The following PLPP4 variants were observed in gnomAD, a reference collection of about 807,000 sequenced individuals.
PLPP4 encodes the protein phospholipid phosphatase 4.
PLPP4 carries 20 observed loss-of-function variants against 32.2 expected under a neutral mutation model. The ratio of observed to expected loss-of-function variants is 0.62; its 90% confidence interval spans 0.44 to 0.90. The LOEUF (loss-of-function observed/expected upper bound fraction) is 0.90. Ranked by LOEUF, PLPP4 falls within the 40% of genes least tolerant of loss-of-function variation. The pLI is 0.00. For missense variants in PLPP4, 257 were observed against 353.1 expected (o/e 0.73, Z 2.18); for synonymous variants, 127 against 133.0 (o/e 0.95, Z 0.31).
chr10:120,581,021 TAG>T, intron 6 of PLPP4: 1 of 1,289,290 alleles, frequency 7.8e-7, no homozygotes, highest in South Asian at 1.2e-5. Flanking sequence ...TGTTGGTGCC[TAG>T]GAGAGCGTAA....
At chr10:120,500,694 T>C (rs1453006000) in intron 1 of PLPP4, among the ~76,000 whole-genome samples, 1 of 112,006 alleles carries the variant, frequency 8.9e-6, no homozygotes, top group African/African-American at 3.3e-5. Flanking sequence ...GGGGGTGGGG[T>C]GGGGTTCCAG....
chr10:120,580,466 C>T (rs1208752913), intron 6 of PLPP4, among the ~76,000 whole-genome samples: 1 of 152,076 alleles, frequency 6.6e-6, no homozygotes, highest in Non-Finnish European at 1.5e-5. Context: ...TTGGTTTTAA[C>T]CAGTTTCAGG....
Position 120,590,561 on chromosome 10 carries a change from G to A in PLPP4, c.*1059G>A, listed in dbSNP as rs776259483. Among the ~76,000 whole-genome samples, 7 of 152,106 alleles carry A rather than the reference G, an allele frequency of 4.6e-5. No individual in the cohort carries two copies. Among genetic ancestry groups the A allele is most frequent in the Non-Finnish European group, 8.8e-5 (6 of 68,026 alleles). On this transcript the variant is annotated 3_prime_UTR_variant, in exon 7 of 7. Coordinates refer to ENST00000398250, the MANE Select transcript of PLPP4 (RefSeq NM_001030059.3). The stretch of plus-strand genomic sequence containing the variant: ...GAATCAGGAATGTGCTGTGTCTCTC[G>A]CTCAGCTCTTTGCATTGTTGAATAC...
intron 5 of PLPP4, among the ~76,000 whole-genome samples, chr10:120,539,840 T>C (rs1847250451): frequency 6.6e-6 from 1 of 152,132 alleles, no homozygotes; most frequent in Non-Finnish European, 1.5e-5. Context: ...GCTTTCCTTA[T>C]ATACATTTAT....
intron 2 of PLPP4, among the ~76,000 whole-genome samples, chr10:120,505,749 C>T (rs1429267341): frequency 1.3e-5 from 2 of 152,172 alleles, no homozygotes; most frequent in South Asian, 2.1e-4. Flanking sequence ...ATTACTAACA[C>T]ATGACTACTA....
At chr10:120,471,938 T>G (rs985729638) in intron 1 of PLPP4, among the ~76,000 whole-genome samples, 2 of 152,080 alleles carry the variant, frequency 1.3e-5, no homozygotes, top group Non-Finnish European at 2.9e-5. Context: ...ATGCACTTTT[T>G]ACTTATTACC....
At chr10:120,466,201 A>G (rs1848301678) in intron 1 of PLPP4, among the ~76,000 whole-genome samples, 1 of 152,168 alleles carries the variant, frequency 6.6e-6, no homozygotes. Flanking sequence ...CTGGCAAGTG[A>G]CAGGGCCTGG....
At chr10:120,525,323 G>A (rs1478948538) in intron 5 of PLPP4, among the ~76,000 whole-genome samples, 2 of 152,090 alleles carry the variant, frequency 1.3e-5, no homozygotes, top group Non-Finnish European at 2.9e-5. Flanking sequence ...CACTCAAATT[G>A]TGCACATGAA....
intron 5 of PLPP4, among the ~76,000 whole-genome samples, chr10:120,540,745 T>C (rs1465656532): frequency 6.6e-6 from 1 of 152,196 alleles, no homozygotes; most frequent in Admixed American, 6.5e-5. Flanking sequence ...TATGCACTAG[T>C]ATGAAAACTA....
Position 120,518,740 on chromosome 10 carries a change from A to G in PLPP4, c.257-93A>G, listed in dbSNP as rs79640010. ...ATTTCTCTGGTCATTAAATAGTATT[A>G]TAATGTAACAGTGATGATGATGATA... On this transcript the variant is annotated intron_variant, in intron 3 of 6. Coordinates refer to ENST00000398250, the MANE Select transcript of PLPP4 (RefSeq NM_001030059.3). 5.4e-4 allele frequency: 545 copies of G among 1,008,726 alleles called. 1 individual carries two copies. In the African/African-American group the frequency reaches 6.2e-3, roughly 11 times the overall value. The allele number at this position is 1,008,726 out of a possible 1,614,324, so 62.5% of individuals were successfully genotyped here. A position where few individuals can be genotyped will look rare whatever the true frequency, so the allele number is the denominator to read the frequency against.
At position 120,589,566 on chromosome 10, in the gene PLPP4, A is replaced by T; in HGVS notation, c.*64A>T. On this transcript the variant is annotated 3_prime_UTR_variant, in exon 7 of 7. Transcript: ENST00000398250. ...ATCTGCCACCCTGACATCATAACAC[A>T]ATAGAAATGGTTTTCTGTAGTGTAT... 1 of 1,275,540 alleles carries T rather than the reference A, an allele frequency of 7.8e-7. No homozygotes were observed. Among genetic ancestry groups the T allele is most frequent in the Non-Finnish European group, 1.1e-6 (1 of 903,184 alleles). 79.0% of individuals were successfully genotyped at this position (1,275,540 alleles called of 1,614,324 possible).
chr10:120,510,245 G>A (rs1417479976), intron 2 of PLPP4, among the ~76,000 whole-genome samples: 1 of 152,150 alleles, frequency 6.6e-6, no homozygotes, highest in African/African-American at 2.4e-5. Flanking sequence ...AGTCCAAGAA[G>A]GGTTCAATAT....
intron 5 of PLPP4, among the ~76,000 whole-genome samples, chr10:120,528,758 G>A (rs1476955986): frequency 6.6e-6 from 1 of 152,062 alleles, no homozygotes; most frequent in Non-Finnish European, 1.5e-5. Flanking sequence ...CTCTTTGGAG[G>A]GCAATGTTTC....
intron 5 of PLPP4, among the ~76,000 whole-genome samples, chr10:120,540,835 G>A (rs533649783): frequency 3.5e-4 from 53 of 152,312 alleles, no homozygotes; most frequent in African/African-American, 1.2e-3. Flanking sequence ...GTGAGAACAG[G>A]CCATGAGAAG....
intron 1 of PLPP4, among the ~76,000 whole-genome samples, chr10:120,480,540 A>G (rs190177855): frequency 7.2e-5 from 11 of 152,344 alleles, no homozygotes; most frequent in Admixed American, 3.9e-4. Flanking sequence ...TGCATCTGAA[A>G]CTAACAAGGT....
intron 5 of PLPP4, among the ~76,000 whole-genome samples, chr10:120,548,138 G>T (rs1359682): frequency 0.21 from 32,370 of 151,728 alleles, 3,849 homozygotes; most frequent in Non-Finnish European, 0.27. Context: ...GGTAAATTGT[G>T]TGTTGTGGAG....
At chr10:120,473,491 T>G (rs1211989527) in intron 1 of PLPP4, among the ~76,000 whole-genome samples, 1 of 152,154 alleles carries the variant, frequency 6.6e-6, no homozygotes, top group East Asian at 1.9e-4. Context: ...TACTTTCCAC[T>G]GGGGTTCTTG....
Position 120,477,214 on chromosome 10 carries a change from GC to G in PLPP4, c.56+19855del, listed in dbSNP as rs200153501. On this transcript the variant is annotated intron_variant, in intron 1 of 6. Coordinates refer to ENST00000398250, the MANE Select transcript of PLPP4 (RefSeq NM_001030059.3). ...CATTTTCCTCTCAAGAATGTGAGCT[GC>G]CTGCTTTGAATTAATCCAGAACGGT... Among the ~76,000 whole-genome samples the G allele has an allele frequency of 4.7e-5, 6 of 127,528 alleles. No homozygotes were observed. The East Asian group carries it at 1.6e-3, about 33-fold the overall frequency. The allele number at this position is 127,528 out of a possible 152,430, so 83.7% of individuals were successfully genotyped here.
chr10:120,575,399 C>A (rs1849176046), intron 6 of PLPP4, 98 bp downstream of exon 6: 3 of 1,314,830 alleles, frequency 2.3e-6, no homozygotes, highest in Non-Finnish European at 3.1e-6. Flanking sequence ...AGCTAAGTGC[C>A]CATTGTCCAA....
Sources: allele counts gnomAD v4.1 joint callset (sites outside exome capture counted in the v4.1 genomes callset), GRCh38; gene constraint gnomAD v4.1.1; transcripts MANE v1.5; gene names NCBI Gene and HGNC (gene_info 2026-07-23, HGNC 2026-07-21).